Variants in STXBP5L observed in about 807,000 individuals in gnomAD.
STXBP5L encodes the protein syntaxin-binding protein 5-like.
STXBP5L carries 65 observed loss-of-function variants against 144.5 expected under a neutral mutation model. That is an observed-to-expected ratio of 0.45 (90% CI 0.37 to 0.55). The LOEUF (loss-of-function observed/expected upper bound fraction) is 0.55. Among genes scored for constraint, STXBP5L ranks in the 20% least tolerant of loss-of-function variants. The pLI is 0.00. For synonymous variants in STXBP5L, 505 were observed against 469.6 expected, an observed-to-expected ratio of 1.08 and a Z score of -0.97; for missense variants, 1,298 against 1,405.5, an observed-to-expected ratio of 0.92 and a Z score of 1.22.
intron 2 of STXBP5L, among the ~76,000 whole-genome samples, chr3:120,939,766 C>A (rs1414049254): frequency 6.6e-6 from 1 of 152,046 alleles, no homozygotes; most frequent in Non-Finnish European, 1.5e-5. Flanking sequence ...TATAGAAATA[C>A]CTATCAAGTG....
intron 9 of STXBP5L, among the ~76,000 whole-genome samples, chr3:121,198,693 T>G (rs2048017567): frequency 6.6e-6 from 1 of 152,234 alleles, no homozygotes; most frequent in African/African-American, 2.4e-5. Context: ...AGTTTCTGTT[T>G]TCTGCATATC....
chr3:121,331,403 G>A (rs2044318050), intron 20 of STXBP5L, among the ~76,000 whole-genome samples: 1 of 152,196 alleles, frequency 6.6e-6, no homozygotes, highest in South Asian at 2.1e-4. Flanking sequence ...ACATTTCAGG[G>A]TGACTGCTTT....
intron 3 of STXBP5L, among the ~76,000 whole-genome samples, chr3:121,019,981 G>A (rs1334773243): frequency 3.9e-5 from 6 of 152,100 alleles, no homozygotes; most frequent in Non-Finnish European, 7.3e-5. Context: ...CAATCAAGGA[G>A]GCAACAGAGA....
intron 3 of STXBP5L, among the ~76,000 whole-genome samples, chr3:121,037,464 C>A (rs1038240108): frequency 6.6e-6 from 1 of 151,998 alleles, no homozygotes; most frequent in Non-Finnish European, 1.5e-5. Context: ...CTATGTTGCC[C>A]AGGCTGGTCT....
chr3:121,199,199 C>T (rs971773119), intron 9 of STXBP5L, among the ~76,000 whole-genome samples: 7 of 152,094 alleles, frequency 4.6e-5, no homozygotes, highest in Admixed American at 4.6e-4. Context: ...TCCTTTACGT[C>T]CCTTGTAAGT....
In STXBP5L at chr3:121,215,737, G is replaced by C. The variant is rs1200156594; in HGVS notation, c.957-7266G>C. Among the ~76,000 whole-genome samples the C allele has an allele frequency of 2.0e-5, 3 of 152,232 alleles. No homozygotes were observed. In the East Asian group the frequency reaches 5.8e-4, roughly 29 times the overall value. Reference sequence around the variant, plus strand: ...GATATTCTCTTTATTTTCTGAATTTGAATGTTGGCTTGTCTTGCTAGGTTG... The same window carrying C: ...GATATTCTCTTTATTTTCTGAATTTCAATGTTGGCTTGTCTTGCTAGGTTG... On this transcript the variant is annotated intron_variant, in intron 10 of 26. Coordinates refer to ENST00000471454, the MANE Select transcript of STXBP5L (RefSeq NM_001308330.2).
chr3:121,061,351 T>G (rs900571115), intron 5 of STXBP5L, among the ~76,000 whole-genome samples: 2 of 152,210 alleles, frequency 1.3e-5, no homozygotes, highest in Non-Finnish European at 1.5e-5. Context: ...TCGTTATGAT[T>G]TCTGTTCTTT....
intron 10 of STXBP5L, among the ~76,000 whole-genome samples, chr3:121,212,410 C>G (rs1012709436): frequency 6.6e-6 from 1 of 152,042 alleles, no homozygotes; most frequent in African/African-American, 2.4e-5. Context: ...AGGAAGGGGT[C>G]CAGTTTCAGT....
At chr3:121,113,666 C>CTTTTTTTTTTTTTTTTTTT (rs1273804231) in intron 5 of STXBP5L, among the ~76,000 whole-genome samples, 2 of 132,902 alleles carry the variant, frequency 1.5e-5, no homozygotes, top group African/African-American at 5.6e-5. Flanking sequence ...ATTCTTTTTT[C>CTTTTTTTTTTTTTTTTTTT]TTTTTCTTTT....
At chr3:121,399,080 C>T (rs1257542312) in intron 22 of STXBP5L, among the ~76,000 whole-genome samples, 1 of 152,172 alleles carries the variant, frequency 6.6e-6, no homozygotes, top group Non-Finnish European at 1.5e-5. Context: ...ACCTCTCCCT[C>T]CTTTTCCACT....
At chr3:121,113,551 G>A (rs1343159944) in intron 5 of STXBP5L, among the ~76,000 whole-genome samples, 2 of 151,872 alleles carry the variant, frequency 1.3e-5, no homozygotes, top group Non-Finnish European at 2.9e-5. Context: ...TAGTGTGCAG[G>A]GTACTTTGAA....
chr3:121,002,567 T>C (rs1290819814), intron 3 of STXBP5L, among the ~76,000 whole-genome samples: 1 of 152,186 alleles, frequency 6.6e-6, no homozygotes, highest in Non-Finnish European at 1.5e-5. Context: ...TTTGTTGTTG[T>C]TTTTGCCTTT....
At chr3:121,036,424 T>G (rs1946758162) in intron 3 of STXBP5L, among the ~76,000 whole-genome samples, 1 of 152,180 alleles carries the variant, frequency 6.6e-6, no homozygotes, top group Non-Finnish European at 1.5e-5. Context: ...AAATTTGATG[T>G]TTTCTGCAAA....
chr3:121,365,816 CT>C (rs1259239083), intron 20 of STXBP5L, among the ~76,000 whole-genome samples: 2 of 151,222 alleles, frequency 1.3e-5, no homozygotes, highest in African/African-American at 2.4e-5. Flanking sequence ...GCTTTGGGTT[CT>C]TTTTTTCTTT....
At chr3:120,944,954 G>C (rs1002867952) in intron 2 of STXBP5L, among the ~76,000 whole-genome samples, 42 of 151,954 alleles carry the variant, frequency 2.8e-4, no homozygotes, top group African/African-American at 1.0e-3. Flanking sequence ...TGATTTGGCT[G>C]TTATTGAAAA....
intron 10 of STXBP5L, 50 bp downstream of exon 10, chr3:121,206,051 A>G (rs1236624774): frequency 8.1e-6 from 9 of 1,109,600 alleles, no homozygotes; most frequent in Non-Finnish European, 1.1e-5. Context: ...GAGACAAAAA[A>G]TGCAGATGAC....
chr3:121,194,178 T>A (rs1221503199), intron 9 of STXBP5L, among the ~76,000 whole-genome samples: 1 of 152,106 alleles, frequency 6.6e-6, no homozygotes, highest in African/African-American at 2.4e-5. Flanking sequence ...CTATTACCAG[T>A]TACTCCCCTT....
intron 5 of STXBP5L, chr3:121,099,891 A>T (rs891516269): frequency 6.6e-6 from 1 of 152,216 alleles, no homozygotes; most frequent in African/African-American, 2.4e-5. Context: ...CACAGGCTCA[A>T]AGGAAAGGGT....
intron 19 of STXBP5L, among the ~76,000 whole-genome samples, chr3:121,291,693 C>T (rs1196177225): frequency 1.3e-5 from 2 of 152,136 alleles, no homozygotes; most frequent in Non-Finnish European, 2.9e-5. Context: ...CTTCATGGTA[C>T]TGACATAAAG....
Sources: gnomAD v4.1 joint callset for allele counts (sites outside exome capture counted in the v4.1 genomes callset) on GRCh38, gnomAD v4.1.1 for gene constraint, MANE v1.5 for transcripts, NCBI Gene and HGNC (gene_info 2026-07-23, HGNC 2026-07-21) for gene names.